The following RABGAP1L variants were observed in gnomAD, a reference collection of about 807,000 sequenced individuals.
RABGAP1L encodes the protein RAB GTPase activating protein 1 like.
In RABGAP1L, 63 loss-of-function variants were observed where a neutral mutation model predicts 137.7. The ratio of observed to expected loss-of-function variants is 0.46; its 90% confidence interval spans 0.37 to 0.56. The LOEUF is 0.56. Among genes scored for constraint, RABGAP1L ranks in the 20% least tolerant of loss-of-function variants. The probability of loss-of-function intolerance (pLI) is 0.00; values close to 1 mark genes in which losing one functional copy is unlikely to be tolerated. For synonymous variants in RABGAP1L, 431 were observed against 433.7 expected, an observed-to-expected ratio of 0.99 and a Z score of 0.08; for missense variants, 1,095 against 1,244.0, an observed-to-expected ratio of 0.88 and a Z score of 1.80.
intron 14 of RABGAP1L, among the ~76,000 whole-genome samples, chr1:174,641,355 G>A (rs1280283883): frequency 1.3e-5 from 2 of 152,084 alleles, no homozygotes; most frequent in African/African-American, 4.8e-5. Flanking sequence ...TTCAGAGTAG[G>A]AGGAAATCGA....
At chr1:174,442,102 A>G (rs896348738) in intron 13 of RABGAP1L, among the ~76,000 whole-genome samples, 7 of 152,068 alleles carry the variant, frequency 4.6e-5, no homozygotes, top group African/African-American at 1.7e-4. Flanking sequence ...ACTGCTTCAA[A>G]TATGTGTAAT....
chr1:174,533,462 A>G (rs1396013499), intron 13 of RABGAP1L, among the ~76,000 whole-genome samples: 1 of 152,138 alleles, frequency 6.6e-6, no homozygotes, highest in Non-Finnish European at 1.5e-5. Context: ...TGAGACAACA[A>G]GAACAATCCC....
At chr1:174,819,645 A>G (rs1323614548) in intron 19 of RABGAP1L, among the ~76,000 whole-genome samples, 2 of 152,220 alleles carry the variant, frequency 1.3e-5, no homozygotes, top group Non-Finnish European at 2.9e-5. Flanking sequence ...GAAAAGCAGC[A>G]TATGCAAAGC....
At chr1:174,405,421 G>T (rs1054426981) in intron 13 of RABGAP1L, among the ~76,000 whole-genome samples, 24 of 152,176 alleles carry the variant, frequency 1.6e-4, no homozygotes, top group African/African-American at 5.8e-4. Context: ...ACCTTGTCTA[G>T]GTGTAGGCTT....
chr1:174,496,796 A>G (rs971358578), intron 13 of RABGAP1L, among the ~76,000 whole-genome samples: 1 of 152,144 alleles, frequency 6.6e-6, no homozygotes, highest in African/African-American at 2.4e-5. Flanking sequence ...AAGAAGTTGG[A>G]CTTTTTATGG....
intron 11 of RABGAP1L, among the ~76,000 whole-genome samples, chr1:174,307,946 G>A (rs934571817): frequency 6.6e-6 from 1 of 151,968 alleles, no homozygotes; most frequent in African/African-American, 2.4e-5. Flanking sequence ...AGTGTTCAAG[G>A]GTTCCCTTTT....
intron 23 of RABGAP1L, 137 bp downstream of exon 23, chr1:174,979,027 A>G: frequency 8.0e-7 from 1 of 1,257,588 alleles, no homozygotes; most frequent in Non-Finnish European, 1.0e-6. Context: ...AGGAAAAAAA[A>G]TTTTTTAGTT....
intron 11 of RABGAP1L, among the ~76,000 whole-genome samples, chr1:174,326,207 A>G (rs1213356058): frequency 6.6e-6 from 1 of 152,240 alleles, no homozygotes; most frequent in African/African-American, 2.4e-5. Context: ...CAAAAGGACA[A>G]AGCAAGGTCC....
Position 174,580,779 on chromosome 1 carries a change from G to GT in RABGAP1L, c.1711-56595dup, listed in dbSNP as rs1442250205. ...CATATACCCTAAAACTTAAAGTATA[G>GT]TAAAAAAAAAGATTGAGTATTCGGA... is the stretch of plus-strand genomic sequence containing the variant. On this transcript the variant is annotated intron_variant, in intron 13 of 25. Transcript: ENST00000681986. Among the ~76,000 whole-genome samples the GT allele has an allele frequency of 4.0e-5, 6 of 151,162 alleles. No homozygotes were observed. In the East Asian group the frequency reaches 1.2e-3, roughly 29 times the overall value.
chr1:174,518,838 A>G (rs537199982), intron 13 of RABGAP1L, among the ~76,000 whole-genome samples: 2 of 152,156 alleles, frequency 1.3e-5, no homozygotes, highest in Non-Finnish European at 2.9e-5. Flanking sequence ...GTCACTCTCT[A>G]TTTAAAACTG....
At position 174,385,012 on chromosome 1, in the gene RABGAP1L, T is replaced by A. The variant is rs1254301206; in HGVS notation, c.1560-8983T>A. ...ACCCTGGGAATGTTACTTGACTAATTTGTGTCTTGATCATGTCATGGTGAG... is the reference window on the plus strand; with the variant it reads ...ACCCTGGGAATGTTACTTGACTAATATGTGTCTTGATCATGTCATGGTGAG... On this transcript the variant is annotated intron_variant, in intron 12 of 25. Coordinates refer to ENST00000681986, the MANE Select transcript of RABGAP1L (RefSeq NM_001366446.1). Among the ~76,000 whole-genome samples the A allele has an allele frequency of 3.3e-5, 5 of 152,204 alleles. No individual in the cohort carries two copies. The East Asian group carries it at 9.6e-4, about 29-fold the overall frequency.
intron 13 of RABGAP1L, among the ~76,000 whole-genome samples, chr1:174,537,801 T>C (rs1431645442): frequency 1.3e-5 from 2 of 152,226 alleles, no homozygotes; most frequent in East Asian, 1.9e-4. Context: ...AAAAAAGTTA[T>C]AATTTTTTTC....
intron 1 of RABGAP1L, among the ~76,000 whole-genome samples, chr1:174,181,691 G>A (rs1257854558): frequency 6.6e-6 from 1 of 152,126 alleles, no homozygotes; most frequent in African/African-American, 2.4e-5. Context: ...GGGGATCCTG[G>A]AATCAAGCCC....
At chr1:174,368,352 A>C (rs1684823699) in intron 11 of RABGAP1L, among the ~76,000 whole-genome samples, 1 of 152,222 alleles carries the variant, frequency 6.6e-6, no homozygotes, top group African/African-American at 2.4e-5. Context: ...GTTTCTGGAG[A>C]ATAAATTTGA....
intron 5 of RABGAP1L, among the ~76,000 whole-genome samples, chr1:174,249,053 G>C (rs1672495171): frequency 6.6e-6 from 1 of 152,132 alleles, no homozygotes. Flanking sequence ...ATAACTTCTG[G>C]AGAAGTGTTG....
chr1:174,942,723 T>C (rs563520742), intron 19 of RABGAP1L, among the ~76,000 whole-genome samples: 1 of 152,348 alleles, frequency 6.6e-6, no homozygotes, highest in East Asian at 1.9e-4. Context: ...GTTCCTGCAG[T>C]GATATGGTTA....
chr1:174,687,112 A>G (rs1451612504), intron 15 of RABGAP1L, among the ~76,000 whole-genome samples: 1 of 152,178 alleles, frequency 6.6e-6, no homozygotes, highest in Non-Finnish European at 1.5e-5. Context: ...TTATAAGTTC[A>G]TAATTATTTG....
intron 18 of RABGAP1L, among the ~76,000 whole-genome samples, chr1:174,798,010 C>T (rs1012693302): frequency 8.6e-5 from 13 of 151,868 alleles, no homozygotes; most frequent in African/African-American, 2.9e-4. Context: ...TGTTCACAGG[C>T]AGGAACGTAG....
intron 1 of RABGAP1L, among the ~76,000 whole-genome samples, chr1:174,178,771 G>A (rs920057551): frequency 6.6e-5 from 10 of 152,192 alleles, no homozygotes; most frequent in Admixed American, 3.3e-4. Flanking sequence ...TCATAAGTGG[G>A]AGTTGAACAG....
Sources: allele counts gnomAD v4.1 joint callset (sites outside exome capture counted in the v4.1 genomes callset), GRCh38; gene constraint gnomAD v4.1.1; transcripts MANE v1.5; gene names NCBI Gene and HGNC (gene_info 2026-07-23, HGNC 2026-07-21).